Variants in ZRANB3 observed in about 807,000 individuals in gnomAD.
ZRANB3 encodes the protein DNA annealing helicase and endonuclease ZRANB3.
Under a neutral mutation model 133.8 loss-of-function variants are expected in ZRANB3, and 125 were observed. That is an observed-to-expected ratio of 0.93 (90% CI 0.81 to 1.08). The LOEUF is 1.08. Ranked by LOEUF, ZRANB3 falls within the 50% of genes least tolerant of loss-of-function variation. The probability of loss-of-function intolerance (pLI) is 0.00; values close to 1 mark genes in which losing one functional copy is unlikely to be tolerated. For synonymous variants in ZRANB3, 387 were observed against 432.7 expected (o/e 0.89, Z 1.31); for missense variants, 1,229 against 1,275.5 (o/e 0.96, Z 0.56).
chr2:135,327,363 CA>C (rs2104842036), intron 6 of ZRANB3, among the ~76,000 whole-genome samples: 1 of 152,098 alleles, frequency 6.6e-6, no homozygotes, highest in East Asian at 1.9e-4. Context: ...GCTTATAAGA[CA>C]TGTTGGAAGT....
intron 2 of ZRANB3, among the ~76,000 whole-genome samples, chr2:135,482,945 C>T (rs1464542461): frequency 2.0e-5 from 3 of 151,800 alleles, no homozygotes; most frequent in African/African-American, 7.3e-5. Flanking sequence ...ATTGAACCAG[C>T]CTTGCATCCC....
intron 2 of ZRANB3, among the ~76,000 whole-genome samples, chr2:135,462,340 C>T (rs1690798770): frequency 6.6e-6 from 1 of 152,146 alleles, no homozygotes; most frequent in Non-Finnish European, 1.5e-5. Context: ...CCAGGGGCTG[C>T]ATCCAGTACA....
intron 19 of ZRANB3, among the ~76,000 whole-genome samples, chr2:135,206,992 C>T (rs1020530579): frequency 6.6e-6 from 1 of 151,848 alleles, no homozygotes; most frequent in Non-Finnish European, 1.5e-5. Flanking sequence ...TGGTGAAATC[C>T]CGTCTCTACT....
At chr2:135,463,495 G>A (rs1467578266) in intron 2 of ZRANB3, among the ~76,000 whole-genome samples, 2 of 151,108 alleles carry the variant, frequency 1.3e-5, no homozygotes, top group Admixed American at 6.6e-5. Flanking sequence ...TCGGCTCTCT[G>A]CAACCTCCGC....
intron 2 of ZRANB3, among the ~76,000 whole-genome samples, chr2:135,500,136 C>T (rs1418305691): frequency 6.6e-6 from 1 of 152,110 alleles, no homozygotes; most frequent in African/African-American, 2.4e-5. Flanking sequence ...TGCTAGCCTC[C>T]AAAACTGTGG....
At chr2:135,387,749 T>C (rs1366736875) in intron 3 of ZRANB3, among the ~76,000 whole-genome samples, 2 of 152,140 alleles carry the variant, frequency 1.3e-5, no homozygotes, top group Non-Finnish European at 2.9e-5. Flanking sequence ...TTTTTAAGTA[T>C]TGAGGAAATA....
At chr2:135,220,786 C>T (rs1202567628) in intron 15 of ZRANB3, among the ~76,000 whole-genome samples, 11 of 150,810 alleles carry the variant, frequency 7.3e-5, no homozygotes, top group Non-Finnish European at 2.9e-5. Context: ...TCTAATATGA[C>T]ACAGGATGCT....
At position 135,200,324 on chromosome 2, in the gene ZRANB3, T is replaced by G. The variant is rs1450167265; in HGVS notation, c.*18A>C. 1 of 1,553,936 alleles carries G rather than the reference T, an allele frequency of 6.4e-7. No homozygotes were observed. The highest frequency in any genetic ancestry group is 8.8e-7 in the Non-Finnish European group (1 of 1,141,538). On this transcript the variant is annotated 3_prime_UTR_variant, in exon 21 of 21. Coordinates refer to ENST00000264159, the MANE Select transcript of ZRANB3 (RefSeq NM_032143.4). ...CCACATGTAAACCATTTGTCATTCA[T>G]TCATATATTTTTCTACTTTACTTCT...
chr2:135,477,886 T>A (rs890849522), intron 2 of ZRANB3, among the ~76,000 whole-genome samples: 2 of 152,062 alleles, frequency 1.3e-5, no homozygotes, highest in Non-Finnish European at 2.9e-5. Flanking sequence ...CTCAGGAGGC[T>A]GAGGTGGAAG....
intron 6 of ZRANB3, among the ~76,000 whole-genome samples, chr2:135,343,769 A>G (rs539329688): frequency 6.7e-6 from 1 of 150,292 alleles, no homozygotes; most frequent in East Asian, 1.9e-4. Flanking sequence ...AATTACTCAT[A>G]TGTGTGAAAA....
chr2:135,209,026 T>C (rs754554444), intron 17 of ZRANB3, 48 bp from the exon 18 acceptor site: 2 of 1,536,540 alleles, frequency 1.3e-6, no homozygotes, highest in East Asian at 2.3e-5. Context: ...CATATAAAAA[T>C]GTCTCTATTG....
At chr2:135,391,656 T>C (rs887448641) in intron 2 of ZRANB3, among the ~76,000 whole-genome samples, 1 of 151,498 alleles carries the variant, frequency 6.6e-6, no homozygotes, top group Non-Finnish European at 1.5e-5. Context: ...CTCCGCTCAC[T>C]GCAAGCTCTG....
At chr2:135,275,074 T>C (rs1680726374) in intron 9 of ZRANB3, among the ~76,000 whole-genome samples, 1 of 152,214 alleles carries the variant, frequency 6.6e-6, no homozygotes, top group Admixed American at 6.5e-5. Context: ...TTCCCCACAT[T>C]TCCCCCTTTT....
rs1428897665 is a variant in ZRANB3, at chr2:135,426,871, T to A, written c.162-36051A>T. Among the ~76,000 whole-genome samples the A allele has an allele frequency of 2.7e-3, 55 of 20,000 alleles. 9 individuals are homozygous for A. In the East Asian group the frequency reaches 0.071, roughly 26 times the overall value. 13.1% of individuals were successfully genotyped at this position (20,000 alleles called of 152,430 possible). ...AAAAAAAAAAAAAAAAAAATATATA[T>A]ATATATATATATATATATATATATA... On this transcript the variant is annotated intron_variant, in intron 2 of 20. Transcript: ENST00000264159.
chr2:135,277,081 C>G (rs751223621), intron 8 of ZRANB3, among the ~76,000 whole-genome samples: 3 of 152,084 alleles, frequency 2.0e-5, no homozygotes, highest in Non-Finnish European at 4.4e-5. Context: ...TAGGTATATC[C>G]TACAAAACTC....
intron 6 of ZRANB3, among the ~76,000 whole-genome samples, chr2:135,337,394 T>G (rs1246144950): frequency 6.6e-6 from 1 of 152,216 alleles, no homozygotes; most frequent in African/African-American, 2.4e-5. Context: ...CAAAGTCAAC[T>G]TCCCCAGAGT....
chr2:135,330,559 TG>T (rs1233862175), intron 6 of ZRANB3, among the ~76,000 whole-genome samples: 1 of 152,214 alleles, frequency 6.6e-6, no homozygotes, highest in Non-Finnish European at 1.5e-5. Flanking sequence ...AGGATGATGC[TG>T]GCCTCATAAA....
chr2:135,288,640 G>A (rs980983719), intron 8 of ZRANB3, among the ~76,000 whole-genome samples: 2 of 152,056 alleles, frequency 1.3e-5, no homozygotes, highest in African/African-American at 4.8e-5. Context: ...TAGGAGTGTT[G>A]TATATTTCCA....
At chr2:135,442,218 T>C (rs1175377393) in intron 2 of ZRANB3, among the ~76,000 whole-genome samples, 1 of 152,052 alleles carries the variant, frequency 6.6e-6, no homozygotes, top group Non-Finnish European at 1.5e-5. Flanking sequence ...ACTAAAGAGC[T>C]TCTGCACAGC....
Sources: gnomAD v4.1 joint callset for allele counts (sites outside exome capture counted in the v4.1 genomes callset) on GRCh38, gnomAD v4.1.1 for gene constraint, MANE v1.5 for transcripts, NCBI Gene and HGNC (gene_info 2026-07-23, HGNC 2026-07-21) for gene names.